Variants in TG observed in about 807,000 individuals in gnomAD.
TG encodes the protein thyroid hormones.
TG carries 270 observed loss-of-function variants against 324.7 expected under a neutral mutation model. The ratio of observed to expected loss-of-function variants is 0.83; its 90% CI spans 0.75 to 0.92. The LOEUF is 0.92. Ranked by LOEUF, TG falls within the 40% of genes least tolerant of loss-of-function variation. TG has a pLI of 0.00. For missense variants in TG, 3,591 were observed against 3,456.4 expected, an observed-to-expected ratio of 1.04 and a Z score of -0.98; for synonymous variants, 1,401 against 1,327.0, an observed-to-expected ratio of 1.06 and a Z score of -1.21.
chr8:133,026,983 C>T (rs1005935411), intron 40 of TG, among the ~76,000 whole-genome samples: 1 of 152,222 alleles, frequency 6.6e-6, no homozygotes, highest in African/African-American at 2.4e-5. Context: ...GCTATTATCA[C>T]CCCCGTTTTA....
chr8:132,985,279 A>G (rs1054112383), intron 35 of TG, among the ~76,000 whole-genome samples: 2 of 152,236 alleles, frequency 1.3e-5, no homozygotes, highest in African/African-American at 4.8e-5. Flanking sequence ...GAGATGATTA[A>G]AGTATACAGA....
intron 20 of TG, among the ~76,000 whole-genome samples, chr8:132,918,587 C>T (rs193120207): frequency 6.6e-6 from 1 of 152,294 alleles, no homozygotes; most frequent in Admixed American, 6.5e-5. Context: ...CAGCACGTCC[C>T]ACTCATTGGT....
chr8:133,007,063 C>T (rs1834074423), intron 35 of TG, among the ~76,000 whole-genome samples: 1 of 152,124 alleles, frequency 6.6e-6, no homozygotes. Flanking sequence ...TGGAGGTTGG[C>T]TGTCCGGTAT....
intron 37 of TG, among the ~76,000 whole-genome samples, chr8:133,016,078 G>C (rs1834999767): frequency 6.6e-6 from 1 of 151,698 alleles, no homozygotes; most frequent in Non-Finnish European, 1.5e-5. Context: ...ATTTATTCCT[G>C]TTGTAGGAGA....
intron 41 of TG, among the ~76,000 whole-genome samples, chr8:133,072,122 C>G (rs1369762813): frequency 6.6e-6 from 1 of 152,060 alleles, no homozygotes; most frequent in Non-Finnish European, 1.5e-5. Context: ...CTCACCAACC[C>G]CCTCTACACA....
intron 35 of TG, among the ~76,000 whole-genome samples, chr8:133,009,867 T>C (rs1374618083): frequency 6.6e-6 from 1 of 151,824 alleles, no homozygotes; most frequent in Non-Finnish European, 1.5e-5. Context: ...TAAATGTTTG[T>C]TGTTTAAGCC....
intron 10 of TG, among the ~76,000 whole-genome samples, chr8:132,893,100 GTA>G (rs1477219448): frequency 2.8e-5 from 4 of 144,974 alleles, no homozygotes; most frequent in Non-Finnish European, 6.1e-5. Context: ...TGGTGTTCAT[GTA>G]TGTGTGTGGT....
intron 35 of TG, among the ~76,000 whole-genome samples, chr8:132,996,416 T>A (rs992759253): frequency 6.6e-6 from 1 of 152,218 alleles, no homozygotes; most frequent in African/African-American, 2.4e-5. Flanking sequence ...ATTAATTAAC[T>A]TCATTCAATA....
intron 41 of TG, chr8:133,072,855 A>C (rs1844280407): frequency 6.6e-6 from 1 of 152,228 alleles, no homozygotes. Flanking sequence ...CGTTTATATC[A>C]GAGGGAGGAA....
At chr8:133,113,353 G>A (rs1054337858) in intron 43 of TG, 69 bp from the exon 44 acceptor site, 1 of 1,581,818 alleles carries the variant, frequency 6.3e-7, no homozygotes. Flanking sequence ...TAGAGCAAGG[G>A]TTTGAGGGAC....
At chr8:132,877,904 A>C (rs949827254) in intron 5 of TG, among the ~76,000 whole-genome samples, 1 of 152,144 alleles carries the variant, frequency 6.6e-6, no homozygotes, top group African/African-American at 2.4e-5. Context: ...CAATTTTTAA[A>C]TATTGTGTAG....
At chr8:132,968,598 A>G (rs773708773) in intron 31 of TG, among the ~76,000 whole-genome samples, 1 of 151,938 alleles carries the variant, frequency 6.6e-6, no homozygotes, top group Non-Finnish European at 1.5e-5. Flanking sequence ...ATGTCCAGTG[A>G]CCCTTATTTT....
chr8:132,957,036 G>A (rs957799823), intron 27 of TG, among the ~76,000 whole-genome samples: 5 of 152,086 alleles, frequency 3.3e-5, no homozygotes, highest in Non-Finnish European at 7.4e-5. Context: ...AATGAGAGAT[G>A]AGGAAGATAA....
chr8:132,902,044 A>G (rs1166227269), intron 16 of TG, among the ~76,000 whole-genome samples: 3 of 152,168 alleles, frequency 2.0e-5, no homozygotes, highest in Non-Finnish European at 4.4e-5. Flanking sequence ...ATATTAAAAT[A>G]TATTATTATT....
intron 41 of TG, chr8:133,050,795 A>G: frequency 2.0e-6 from 3 of 1,478,994 alleles, no homozygotes; most frequent in Non-Finnish European, 1.9e-6. Flanking sequence ...AGATTGCACA[A>G]GTTTTGGAGA....
intron 35 of TG, chr8:133,002,952 G>A: frequency 7.9e-6 from 8 of 1,009,200 alleles, no homozygotes; most frequent in Non-Finnish European, 8.3e-6. Context: ...CCATTCCCTT[G>A]ATGCCTACCA....
intron 5 of TG, among the ~76,000 whole-genome samples, chr8:132,873,623 A>T (rs569004113): frequency 3.5e-4 from 54 of 152,322 alleles, no homozygotes; most frequent in African/African-American, 1.3e-3. Context: ...CTGCTAGAAC[A>T]TTTGATCTGG....
intron 41 of TG, among the ~76,000 whole-genome samples, chr8:133,041,184 C>T (rs1187309827): frequency 1.3e-5 from 2 of 152,196 alleles, no homozygotes; most frequent in Non-Finnish European, 2.9e-5. Flanking sequence ...CACTGGCCTC[C>T]GGCAGGGCTA....
chr8:132,877,973 G>A (rs1587202507), intron 5 of TG, among the ~76,000 whole-genome samples: 3 of 152,176 alleles, frequency 2.0e-5, no homozygotes, highest in South Asian at 4.1e-4. Flanking sequence ...GGAAATTAGA[G>A]GGAATCATGA....
Sources: allele counts gnomAD v4.1 joint callset (sites outside exome capture counted in the v4.1 genomes callset), GRCh38; gene constraint gnomAD v4.1.1; transcripts MANE v1.5; gene names NCBI Gene and HGNC (gene_info 2026-07-23, HGNC 2026-07-21).